The following MAGI3 variants were observed in gnomAD, a reference collection of about 807,000 sequenced individuals.
MAGI3 encodes the protein membrane-associated guanylate kinase, WW and PDZ domain-containing protein 3.
Under a neutral mutation model 121.8 loss-of-function variants are expected in MAGI3, and 43 were observed. That is an observed-to-expected ratio of 0.35 (90% CI 0.28 to 0.46). MAGI3 has a LOEUF of 0.46. Among genes scored for constraint, MAGI3 ranks in the 20% least tolerant of loss-of-function variants. The pLI is 1.00. For synonymous variants in MAGI3, 553 were observed against 639.3 expected (o/e 0.86, Z 2.04); for missense variants, 1,547 against 1,797.3 (o/e 0.86, Z 2.52).
At position 113,580,728 on chromosome 1, in the gene MAGI3, G is replaced by A. The variant is rs1006077742; in HGVS notation, c.553+67G>A. 6 of 1,416,464 alleles carry A rather than the reference G, an allele frequency of 4.2e-6. No individual in the cohort carries two copies. The African/African-American group carries it at 8.8e-5, about 21-fold the overall frequency. The allele number at this position is 1,416,464 out of a possible 1,614,324, so 87.7% of individuals were successfully genotyped here. On this transcript the variant is annotated intron_variant, in intron 3 of 20. Coordinates refer to ENST00000307546, the MANE Select transcript of MAGI3 (RefSeq NM_001142782.2). ...TGAACGACTGGAATTATTTCAGAGG[G>A]AATTTGACCAGTAAAGTACCACTTT...
At chr1:113,583,583 AGT>A (rs1648174958) in intron 3 of MAGI3, among the ~76,000 whole-genome samples, 1 of 152,128 alleles carries the variant, frequency 6.6e-6, no homozygotes, top group Non-Finnish European at 1.5e-5. Context: ...TGGTATATCC[AGT>A]TTCCTTGATA....
At position 113,651,006 on chromosome 1, in the gene MAGI3, C is replaced by A; in HGVS notation, c.2248-8C>A. The A allele has an allele frequency of 4.3e-6, 7 of 1,611,544 alleles. No homozygotes were observed. The highest frequency in any genetic ancestry group is 5.9e-6 in the Non-Finnish European group (7 of 1,178,930). On this transcript the variant is annotated splice_region_variant and splice_polypyrimidine_tract_variant and intron_variant, in intron 13 of 20. Transcript: ENST00000307546. ...TGTGGACCAAACTGTACTTTGTTAT[C>A]TTATCAGATATATATTGGGGCTATT...
chr1:113,609,738 A>G (rs1388177340), intron 6 of MAGI3, among the ~76,000 whole-genome samples: 1 of 152,212 alleles, frequency 6.6e-6, no homozygotes, highest in Non-Finnish European at 1.5e-5. Flanking sequence ...GGAAGAGGAA[A>G]GAAAGATAAA....
intron 9 of MAGI3, among the ~76,000 whole-genome samples, chr1:113,624,819 T>C (rs1358340223): frequency 6.6e-6 from 1 of 152,224 alleles, no homozygotes; most frequent in Non-Finnish European, 1.5e-5. Flanking sequence ...CCCAATGTTT[T>C]CTTTTTTTAG....
intron 1 of MAGI3, among the ~76,000 whole-genome samples, chr1:113,477,525 T>G (rs563533195): frequency 4.3e-4 from 65 of 152,342 alleles, no homozygotes; most frequent in Non-Finnish European, 7.4e-4. Flanking sequence ...GGTTGAAAAT[T>G]CTTTTCTTTA....
chr1:113,476,490 A>G (rs1655827117), intron 1 of MAGI3, among the ~76,000 whole-genome samples: 1 of 152,184 alleles, frequency 6.6e-6, no homozygotes, highest in African/African-American at 2.4e-5. Context: ...CCCAGTAGTC[A>G]TTCAGGAGCA....
chr1:113,566,440 C>T (rs1379686215), intron 2 of MAGI3, among the ~76,000 whole-genome samples: 1 of 152,078 alleles, frequency 6.6e-6, no homozygotes, highest in Non-Finnish European at 1.5e-5. Flanking sequence ...AGGACTTGAA[C>T]AATACAAGAC....
chr1:113,453,417 A>G (rs1385589172), intron 1 of MAGI3, among the ~76,000 whole-genome samples: 1 of 152,170 alleles, frequency 6.6e-6, no homozygotes, highest in Admixed American at 6.5e-5. Context: ...TTTGAGATTT[A>G]CCTTTCCAAA....
intron 1 of MAGI3, among the ~76,000 whole-genome samples, chr1:113,539,699 T>A (rs1189183125): frequency 6.6e-6 from 1 of 152,158 alleles, no homozygotes; most frequent in African/African-American, 2.4e-5. Flanking sequence ...TTAATTTGGA[T>A]TCATACCAAA....
intron 2 of MAGI3, among the ~76,000 whole-genome samples, chr1:113,573,238 T>G (rs2101707266): frequency 6.6e-6 from 1 of 152,352 alleles, no homozygotes; most frequent in Admixed American, 6.5e-5. Context: ...TTCGGCTAGC[T>G]TTTGAATTTG....
At chr1:113,464,366 A>G (rs944482711) in intron 1 of MAGI3, among the ~76,000 whole-genome samples, 1 of 152,108 alleles carries the variant, frequency 6.6e-6, no homozygotes, top group Non-Finnish European at 1.5e-5. Flanking sequence ...TCCATTGTGT[A>G]TACATACTAC....
intron 1 of MAGI3, among the ~76,000 whole-genome samples, chr1:113,548,824 A>T (rs1279253503): frequency 2.6e-5 from 4 of 152,242 alleles, no homozygotes; most frequent in Admixed American, 6.5e-5. Flanking sequence ...AGAATTCCAG[A>T]TGAGGAATCA....
intron 9 of MAGI3, among the ~76,000 whole-genome samples, chr1:113,626,592 A>T: frequency 6.6e-6 from 1 of 152,110 alleles, no homozygotes; most frequent in East Asian, 1.9e-4. Flanking sequence ...CCTGGGCTTT[A>T]CTTTACTGGG....
chr1:113,643,697 G>A (rs1029733137), intron 10 of MAGI3, 46 bp from the exon 11 acceptor site: 3 of 1,584,226 alleles, frequency 1.9e-6, no homozygotes, highest in African/African-American at 2.7e-5. Context: ...TTGTGATCTG[G>A]GAATGCATCC....
intron 1 of MAGI3, among the ~76,000 whole-genome samples, chr1:113,492,417 G>C (rs191849081): frequency 5.6e-4 from 86 of 152,284 alleles, no homozygotes; most frequent in Non-Finnish European, 4.6e-4. Flanking sequence ...ACATCATACT[G>C]AATGGGCAAA....
intron 4 of MAGI3, among the ~76,000 whole-genome samples, chr1:113,587,514 C>G (rs1648449189): frequency 6.6e-6 from 1 of 152,098 alleles, no homozygotes; most frequent in African/African-American, 2.4e-5. Flanking sequence ...GCTTTGGAAT[C>G]CCTGCCTTGA....
In MAGI3 at chr1:113,416,149, T is replaced by G. The variant is rs1175673966; in HGVS notation, c.316+24800T>G. Among the ~76,000 whole-genome samples the G allele has an allele frequency of 1.1e-3, 146 of 128,832 alleles. 1 individual carries two copies. Among genetic ancestry groups the G allele is most frequent in the Non-Finnish European group, 1.8e-3 (106 of 59,038 alleles). 84.5% of individuals were successfully genotyped at this position (128,832 alleles called of 152,430 possible). On this transcript the variant is annotated intron_variant, in intron 1 of 20. Transcript: ENST00000307546. ...TAATGACACATATTAATTATGTAAT[T>G]AATGACACATATTATTATGTAATTA...
Position 113,684,182 on chromosome 1 carries a change from C to CCAA in MAGI3, c.*170_*172dup. 1.4e-6 allele frequency: 1 copy of CCAA among 713,016 alleles called. No individual in the cohort carries two copies. Among genetic ancestry groups the CCAA allele is most frequent in the East Asian group, 3.2e-5 (1 of 30,896 alleles). The allele number at this position is 713,016 out of a possible 1,614,324, so 44.2% of individuals were successfully genotyped here. A position where few individuals can be genotyped will look rare whatever the true frequency, so the allele number is the denominator to read the frequency against. ...GAAGGGCCTTTAGGATTGCTAAGAA[C>CCAA]CAACTGTCCCCCTGGCCGGCTGCCC... On this transcript the variant is annotated 3_prime_UTR_variant, in exon 21 of 21. Coordinates refer to ENST00000307546, the MANE Select transcript of MAGI3 (RefSeq NM_001142782.2).
Position 113,594,500 on chromosome 1 carries a change from A to G in MAGI3, c.958A>G (p.Thr320Ala). ...YFIDHNTKTT[T>A]WLDPRLCKKA... is the part of the protein sequence containing the mutation. Reference sequence around the variant, plus strand: ...CTACAGCCACAATACCAAGACAACCACCTGGTTGGATCCTCGTCTTTGTAA... The same window carrying G: ...CTACAGCCACAATACCAAGACAACCGCCTGGTTGGATCCTCGTCTTTGTAA... Residue 320 changes from threonine to alanine, a missense_variant, in exon 6 of 21, where the codon ACC becomes GCC. Physicochemically the swap from Thr to Ala is moderately conservative, Grantham distance 58. Transcript: ENST00000307546. The G allele has an allele frequency of 1.2e-6, 2 of 1,612,814 alleles. No individual in the cohort carries two copies. The highest frequency in any genetic ancestry group is 1.7e-6 in the Non-Finnish European group (2 of 1,179,378).
Sources: gnomAD v4.1 joint callset for allele counts (sites outside exome capture counted in the v4.1 genomes callset) on GRCh38, gnomAD v4.1.1 for gene constraint, MANE v1.5 for transcripts, NCBI Gene and HGNC (gene_info 2026-07-23, HGNC 2026-07-21) for gene names.